SETD1B: variants seen among roughly 807,000 people sequenced by gnomAD.
SETD1B encodes the protein histone-lysine N-methyltransferase SETD1B.
A neutral mutation model predicts 148.0 loss-of-function variants in SETD1B; 7 were observed. The ratio of observed to expected loss-of-function variants is 0.05; its 90% CI spans 0.03 to 0.09. The LOEUF (loss-of-function observed/expected upper bound fraction) is 0.09. Ranked by LOEUF, SETD1B falls within the 10% of genes least tolerant of loss-of-function variation. The pLI, the probability that SETD1B is intolerant of heterozygous loss-of-function variation, is 1.00. For synonymous variants in SETD1B, 1,361 were observed against 1,186.5 expected, an observed-to-expected ratio of 1.15 and a Z score of -3.02; for missense variants, 2,155 against 2,729.9, an observed-to-expected ratio of 0.79 and a Z score of 4.69.
At position 121,808,770 on chromosome 12, in the gene SETD1B, C is replaced by T. The variant is rs1417210669; in HGVS notation, c.657+450C>T. On this transcript the variant is annotated intron_variant, in intron 5 of 16. Transcript: ENST00000604567. This position sits in a 1 kb window ranked among gnomAD's most constrained non-coding sequence, Gnocchi z 5.3. The stretch of plus-strand genomic sequence containing the variant: ...CTGACTCCTTCCAAACCACTGCCTT[C>T]CAGGACACAGGGACAACTCTCGCGT... 6.6e-6 allele frequency among the ~76,000 whole-genome samples: 1 copy of T among 152,262 alleles called. No homozygotes were observed. The highest frequency in any genetic ancestry group is 1.5e-5 in the Non-Finnish European group (1 of 68,044).
Position 121,830,055 on chromosome 12 carries a change from C to T in SETD1B, c.5728-11C>T. 1.3e-6 allele frequency: 2 copies of T among 1,546,632 alleles called. No homozygotes were observed. Among genetic ancestry groups the T allele is most frequent in the Middle Eastern group, 1.8e-4 (1 of 5,630 alleles). ...ACCAGGGGCTCATTCTCCCCCCCAC[C>T]TTGCCTGCAGCCCAACTGCTATGCC... On this transcript the variant is annotated splice_polypyrimidine_tract_variant and intron_variant, in intron 16 of 16. Transcript: ENST00000604567. The surrounding 1 kb of genome is among the most constrained non-coding windows in gnomAD (Gnocchi z 5.7).
chr12:121,822,577 C>T lies in SETD1B; in HGVS notation c.3998C>T (p.Pro1333Leu), dbSNP rs1876613276. 1.3e-6 allele frequency: 2 copies of T among 1,551,282 alleles called. No homozygotes were observed. Among genetic ancestry groups the T allele is most frequent in the Non-Finnish European group, 1.7e-6 (2 of 1,146,850 alleles). The change falls in exon 12 of 17, where the codon CCA becomes CTA. Residue 1333 changes from proline (P) to leucine (L), a missense_variant. Transcript: ENST00000604567. The part of the protein sequence containing the change: ...PPLPPPRPPR[P>L]PSPPPEPETT... ...TTGCCGCCCCCACGACCACCCCGGC[C>T]ACCCAGCCCACCGCCGGAGCCTGAG...
At chr12:121,793,410 G>T in the SETD1B span, 2 of 1,504,344 alleles carry the variant, frequency 1.3e-6, no homozygotes, top group South Asian at 2.4e-5. Flanking sequence ...GTCCGTGCTC[G>T]GGACGCTGGG....
chr12:121,805,182 A>C lies in SETD1B; in HGVS notation c.239A>C (p.Asn80Thr). ...CGGGTCGTCGGGATCTGGACCAAAA[A>C]CAAGGAGCTGGAGCTGTCGGTGCCC... ...DPRVVGIWTKNKELELSVPKF... is the reference protein window; with the variant it reads ...DPRVVGIWTKTKELELSVPKF... Residue 80 changes from asparagine (N) to threonine (T), a missense_variant, in exon 3 of 17, where the codon AAC (asparagine) becomes ACC (threonine). Around this residue, in one of 11 missense-constraint regions of SETD1B, gnomAD observed 124 missense variants for 282.9 expected, o/e 0.44. Coordinates refer to ENST00000604567, the MANE Select transcript of SETD1B (RefSeq NM_001353345.2). The surrounding 1 kb of genome is among the most constrained non-coding windows in gnomAD (Gnocchi z 4.2). The C allele has an allele frequency of 6.4e-7, 1 of 1,551,338 alleles. No homozygotes were observed. Among genetic ancestry groups the C allele is most frequent in the Non-Finnish European group, 8.7e-7 (1 of 1,146,950 alleles).
Position 121,812,130 on chromosome 12 carries a change from G to A in SETD1B, c.1890+1295G>A, listed in dbSNP as rs567489600. On this transcript the variant is annotated intron_variant, in intron 6 of 16. Coordinates refer to ENST00000604567, the MANE Select transcript of SETD1B (RefSeq NM_001353345.2). ...GAGTCGCCGAGTGCCGGGAAGCTCC[G>A]GGCCGGCCCGCGGGCGCCCCCTGCT... Among the ~76,000 whole-genome samples the A allele has an allele frequency of 1.2e-3, 183 of 152,244 alleles. 1 individual carries two copies. Among genetic ancestry groups the A allele is most frequent in the Non-Finnish European group, 2.8e-4 (19 of 67,998 alleles).
chr12:121,802,912 T>C (rs1034264438), upstream of SETD1B: 3 of 152,256 alleles, frequency 2.0e-5, no homozygotes, highest in African/African-American at 4.8e-5. Flanking sequence ...AAAAATGGCT[T>C]CCCTCATCTG....
At chr12:121,826,284 A>G (rs1341423415) in intron 13 of SETD1B, among the ~76,000 whole-genome samples, 3 of 152,170 alleles carry the variant, frequency 2.0e-5, no homozygotes, top group South Asian at 2.1e-4. Context: ...CAGGCAGGGA[A>G]AATGCGATGG....
chr12:121,817,638 G>C lies in SETD1B; in HGVS notation c.3246G>C (p.Glu1082Asp). 1 of 1,550,820 alleles carries C rather than the reference G, an allele frequency of 6.4e-7. No individual in the cohort carries two copies. The highest frequency in any genetic ancestry group is 8.7e-7 in the Non-Finnish European group (1 of 1,146,866). ...CCGAGGAGGAAGAGGAGGCGGAGGA[G>C]GAGGAGGAGGAGGAAGTCCCCAGGA... ...ESTEEEEEAE[E>D]EEEEEVPRSQ... Residue 1082 changes from glutamate to aspartate, a missense_variant, in exon 9 of 17, where the codon GAG becomes GAC. Coordinates refer to ENST00000604567, the MANE Select transcript of SETD1B (RefSeq NM_001353345.2). The surrounding 1 kb of genome is among the most constrained non-coding windows in gnomAD (Gnocchi z 8.1).
intron 7 of SETD1B, among the ~76,000 whole-genome samples, chr12:121,815,828 T>C (rs1876268589): frequency 6.7e-6 from 1 of 148,198 alleles, no homozygotes; most frequent in Admixed American, 6.7e-5. Context: ...TCTTTCTTTT[T>C]TTTTTTTTTT....
At chr12:121,793,784 C>G in the SETD1B span, 1 of 628,572 alleles carries the variant, frequency 1.6e-6, no homozygotes, top group South Asian at 2.5e-5. Flanking sequence ...GCCTCAGTTT[C>G]CTTTCTGCTA....
At position 121,819,640 on chromosome 12, in the gene SETD1B, G is replaced by T; in HGVS notation, c.3655G>T (p.Ala1219Ser). 2 of 1,551,656 alleles carry T rather than the reference G, an allele frequency of 1.3e-6. No individual in the cohort carries two copies. Among genetic ancestry groups the T allele is most frequent in the Non-Finnish European group, 1.7e-6 (2 of 1,147,018 alleles). The change falls in exon 11 of 17, where the codon GCC becomes TCC. Residue 1219 changes from alanine (A) to serine (S), a missense_variant. By Grantham distance (99) the Ala-to-Ser change is moderately conservative. This residue lies in a region of SETD1B where 862 missense variants were observed against 873.8 expected (regional missense o/e 0.99). Coordinates refer to ENST00000604567, the MANE Select transcript of SETD1B (RefSeq NM_001353345.2). ...FEQDGEEAALAPGAPAVDSLG... is the reference protein window; with the variant it reads ...FEQDGEEAALSPGAPAVDSLG... ...GCAGGACGGGGAGGAAGCGGCTCTGGCCCCGGGGGCACCTGCAGTGGACTC... is the reference window on the plus strand; with the variant it reads ...GCAGGACGGGGAGGAAGCGGCTCTGTCCCCGGGGGCACCTGCAGTGGACTC...
At chr12:121,824,654 A>G (rs1876753332) in intron 12 of SETD1B, among the ~76,000 whole-genome samples, 1 of 151,888 alleles carries the variant, frequency 6.6e-6, no homozygotes, top group African/African-American at 2.4e-5. Context: ...CTCAAAAAAA[A>G]AAAAAAACTC....
At chr12:121,800,272 TC>T (rs1485475776), upstream of SETD1B, 2 of 151,236 alleles carry the variant, frequency 1.3e-5, no homozygotes, top group Non-Finnish European at 2.9e-5. Context: ...TTCCCCCACC[TC>T]CTGCCTGGAG....
Position 121,817,401 on chromosome 12 carries a change from A to C in SETD1B, c.3009A>C (p.Ala1003=). The part of the protein sequence containing the change: ...ESERERDRDM[A]DTPCELAKRD... The stretch of plus-strand genomic sequence containing the variant: ...AGCGAGAGCGAGACCGGGATATGGC[A>C]GACACCCCCTGTGAGCTCGCCAAGC... The change falls in exon 9 of 17, where the codon GCA becomes GCC. Residue 1003 remains alanine, a synonymous_variant. Coordinates refer to ENST00000604567, the MANE Select transcript of SETD1B (RefSeq NM_001353345.2). This position sits in a 1 kb window ranked among gnomAD's most constrained non-coding sequence, Gnocchi z 8.1. 1.3e-6 allele frequency: 2 copies of C among 1,531,842 alleles called. No individual in the cohort carries two copies. The highest frequency in any genetic ancestry group is 1.8e-6 in the Non-Finnish European group (2 of 1,134,228). 94.9% of individuals were successfully genotyped at this position (1,531,842 alleles called of 1,614,324 possible). A position where few individuals can be genotyped will look rare whatever the true frequency, so the allele number is the denominator to read the frequency against.
At chr12:121,797,744 C>T in the SETD1B span, 1 of 372,662 alleles carries the variant, frequency 2.7e-6, no homozygotes, top group Non-Finnish European at 5.4e-6. Context: ...GCGCCACACC[C>T]TCGGGCGGCA....
At chr12:121,801,254 C>T (rs1273553563), upstream of SETD1B, 1 of 152,294 alleles carries the variant, frequency 6.6e-6, no homozygotes, top group South Asian at 2.1e-4. Context: ...TTAAGCCCCC[C>T]CGTCTCCAAA....
chr12:121,808,253 A>T lies in SETD1B; in HGVS notation c.590A>T (p.Tyr197Phe). ...RFYELLVTGR[Y>F]TPQTLPVGEL... is the part of the protein sequence containing the mutation. Reference sequence around the variant, plus strand: ...TATGAACTGTTGGTCACTGGCCGATACACCCCCCAGACCCTCCCAGTGGGC... The same window carrying T: ...TATGAACTGTTGGTCACTGGCCGATTCACCCCCCAGACCCTCCCAGTGGGC... The change falls in exon 5 of 17, where the codon TAC (tyrosine) becomes TTC (phenylalanine). Residue 197 changes from tyrosine (Y) to phenylalanine (F), a missense_variant. This residue lies in a region of SETD1B where 124 missense variants were observed against 282.9 expected (regional missense o/e 0.44). Coordinates refer to ENST00000604567, the MANE Select transcript of SETD1B (RefSeq NM_001353345.2). The surrounding 1 kb of genome is among the most constrained non-coding windows in gnomAD (Gnocchi z 5.3). The T allele has an allele frequency of 6.4e-7, 1 of 1,551,300 alleles. No individual in the cohort carries two copies. Among genetic ancestry groups the T allele is most frequent in the African/African-American group, 1.4e-5 (1 of 73,072 alleles).
the SETD1B span, among the ~76,000 whole-genome samples, chr12:121,798,048 G>A: frequency 6.6e-6 from 1 of 152,220 alleles, no homozygotes; most frequent in African/African-American, 2.4e-5. Context: ...ACAGTCCCGG[G>A]CAGGGATGCC....
At position 121,830,047 on chromosome 12, in the gene SETD1B, C is replaced by T. The variant is rs528092887; in HGVS notation, c.5728-19C>T. Reference sequence around the variant, plus strand: ...CCTGGGGGACCAGGGGCTCATTCTCCCCCCCACCTTGCCTGCAGCCCAACT... The same window carrying T: ...CCTGGGGGACCAGGGGCTCATTCTCTCCCCCACCTTGCCTGCAGCCCAACT... On this transcript the variant is annotated intron_variant, in intron 16 of 16. Coordinates refer to ENST00000604567, the MANE Select transcript of SETD1B (RefSeq NM_001353345.2). This position sits in a 1 kb window ranked among gnomAD's most constrained non-coding sequence, Gnocchi z 5.7. 6.5e-6 allele frequency: 10 copies of T among 1,544,082 alleles called. No individual in the cohort carries two copies. The highest frequency in any genetic ancestry group is 7.0e-6 in the Non-Finnish European group (8 of 1,141,710).
Sources: gnomAD v4.1 joint callset for allele counts (sites outside exome capture counted in the v4.1 genomes callset) on GRCh38, gnomAD v4.1.1 for gene constraint, gnomAD v4.1.1 regional missense constraint, Gnocchi (gnomAD v3.1) non-coding constraint, MANE v1.5 for transcripts, NCBI Gene and HGNC (gene_info 2026-07-23, HGNC 2026-07-21) for gene names.